Variants in DOCK2 observed in about 807,000 individuals in gnomAD.
DOCK2 encodes dedicator of cytokinesis 2, also known as dedicator of cytokinesis protein 2.
Under a neutral mutation model 248.9 loss-of-function variants are expected in DOCK2, and 87 were observed. The observed-to-expected ratio is 0.35, with a 90% CI of 0.29 to 0.42. The LOEUF (loss-of-function observed/expected upper bound fraction) is 0.42, where lower values mean the gene tolerates loss of function less well. Among genes scored for constraint, DOCK2 ranks in the 10% least tolerant of loss-of-function variants. The probability of loss-of-function intolerance (pLI) is 1.00; values close to 1 mark genes in which losing one functional copy is unlikely to be tolerated. For synonymous variants in DOCK2, 805 were observed against 821.6 expected, an observed-to-expected ratio of 0.98 and a Z score of 0.35; for missense variants, 1,747 against 2,300.2, an observed-to-expected ratio of 0.76 and a Z score of 4.92.
rs192962265 is a variant in DOCK2 at position 169,948,672 on chromosome 5, G to C, written c.2800-34396G>C. ...TCTGTTCCCCAGGCTGGAGTGCAGT[G>C]GTGTGATTATGGCTCACTGCAGTCT... On this transcript the variant is annotated intron_variant, in intron 27 of 51. Transcript: ENST00000520908. 9.0e-4 allele frequency among the ~76,000 whole-genome samples: 135 copies of C among 149,704 alleles called. 1 individual carries two copies. Among genetic ancestry groups the C allele is most frequent in the African/African-American group, 3.3e-3 (133 of 40,576 alleles).
chr5:170,021,466 G>C (rs562824884), intron 33 of DOCK2, among the ~76,000 whole-genome samples: 2 of 152,158 alleles, frequency 1.3e-5, no homozygotes, highest in East Asian at 3.9e-4. Flanking sequence ...AGACCTGGTC[G>C]TTGCCTGGAT....
chr5:170,026,721 G>C (rs987448984), intron 33 of DOCK2, among the ~76,000 whole-genome samples: 9 of 152,154 alleles, frequency 5.9e-5, no homozygotes, highest in African/African-American at 9.7e-5. Context: ...TGGGTGAAAT[G>C]CTTCTTAACA....
intron 2 of DOCK2, among the ~76,000 whole-genome samples, chr5:169,661,345 A>G (rs561589650): frequency 6.6e-6 from 1 of 152,336 alleles, no homozygotes; most frequent in East Asian, 1.9e-4. Context: ...GGTATACAAC[A>G]TGATGTTATG....
intron 27 of DOCK2, among the ~76,000 whole-genome samples, chr5:169,979,082 A>T (rs1777844890): frequency 6.6e-6 from 1 of 152,148 alleles, no homozygotes; most frequent in Non-Finnish European, 1.5e-5. Context: ...AAATATGTCG[A>T]TTACAGAATT....
intron 51 of DOCK2, among the ~76,000 whole-genome samples, chr5:170,082,326 A>G (rs1357867096): frequency 6.6e-6 from 1 of 152,132 alleles, no homozygotes; most frequent in Non-Finnish European, 1.5e-5. Flanking sequence ...CAAATTGAAC[A>G]TTAGTTTCCA....
chr5:169,816,141 T>G (rs1385325218), intron 26 of DOCK2, among the ~76,000 whole-genome samples: 1 of 152,178 alleles, frequency 6.6e-6, no homozygotes, highest in East Asian at 1.9e-4. Flanking sequence ...ACTATAACTT[T>G]GATTTGCTCT....
At chr5:169,648,556 G>A (rs978579545) in intron 1 of DOCK2, among the ~76,000 whole-genome samples, 4 of 152,296 alleles carry the variant, frequency 2.6e-5, no homozygotes, top group South Asian at 4.2e-4. Flanking sequence ...CGTGAGAGGC[G>A]ATGTGAGTGT....
At chr5:169,661,403 C>A (rs1419350671) in intron 2 of DOCK2, among the ~76,000 whole-genome samples, 1 of 152,162 alleles carries the variant, frequency 6.6e-6, no homozygotes, top group Non-Finnish European at 1.5e-5. Context: ...GATAGTGAAA[C>A]AAATGACCAT....
chr5:169,805,753 G>A (rs1009445695), intron 26 of DOCK2, among the ~76,000 whole-genome samples: 1 of 152,192 alleles, frequency 6.6e-6, no homozygotes, highest in African/African-American at 2.4e-5. Flanking sequence ...ACACACCCTC[G>A]ATACTTAGGG....
intron 26 of DOCK2, among the ~76,000 whole-genome samples, chr5:169,828,728 G>A (rs945689874): frequency 2.0e-5 from 3 of 152,192 alleles, no homozygotes; most frequent in South Asian, 2.1e-4. Context: ...GCCCAGAAGC[G>A]TCCAGATCCT....
intron 27 of DOCK2, among the ~76,000 whole-genome samples, chr5:169,913,283 T>C (rs1333841918): frequency 6.6e-6 from 1 of 152,238 alleles, no homozygotes; most frequent in Non-Finnish European, 1.5e-5. Flanking sequence ...TCTTTCTCTT[T>C]GTACAGAAAG....
intron 34 of DOCK2, among the ~76,000 whole-genome samples, chr5:170,033,326 A>G (rs556690805): frequency 2.6e-5 from 4 of 152,322 alleles, no homozygotes; most frequent in Admixed American, 2.6e-4. Context: ...TTACATTTTT[A>G]TTTTTGTTTT....
At chr5:169,852,825 G>C (rs1465770649) in intron 27 of DOCK2, among the ~76,000 whole-genome samples, 2 of 152,218 alleles carry the variant, frequency 1.3e-5, no homozygotes, top group Non-Finnish European at 2.9e-5. Flanking sequence ...TGGCTGGGCT[G>C]TGAAGAAAGC....
intron 27 of DOCK2, among the ~76,000 whole-genome samples, chr5:169,859,009 G>A (rs1771034653): frequency 6.6e-6 from 1 of 152,112 alleles, no homozygotes; most frequent in Non-Finnish European, 1.5e-5. Flanking sequence ...GTGAGACCCT[G>A]TTTCAAAATA....
intron 41 of DOCK2, among the ~76,000 whole-genome samples, chr5:170,050,701 C>T (rs890176353): frequency 2.0e-5 from 3 of 151,170 alleles, no homozygotes; most frequent in Non-Finnish European, 4.4e-5. Context: ...CTTGCTCTGG[C>T]GTGCTCCAAC....
intron 10 of DOCK2, among the ~76,000 whole-genome samples, chr5:169,696,589 C>T (rs1325738937): frequency 6.6e-6 from 1 of 152,112 alleles, no homozygotes; most frequent in Non-Finnish European, 1.5e-5. Flanking sequence ...TCATCAAAGG[C>T]GATTTAAATT....
chr5:169,741,948 T>A (rs1413282347), intron 22 of DOCK2, among the ~76,000 whole-genome samples: 1 of 151,728 alleles, frequency 6.6e-6, no homozygotes. Context: ...TAGCTGAGAC[T>A]ACAGGCGCCC....
intron 27 of DOCK2, among the ~76,000 whole-genome samples, chr5:169,904,635 T>C (rs1007396115): frequency 6.6e-6 from 1 of 152,162 alleles, no homozygotes; most frequent in Non-Finnish European, 1.5e-5. Flanking sequence ...CCTCTCCCCC[T>C]AGTGAGGGCC....
chr5:170,056,695 C>T lies in DOCK2; in HGVS notation c.4307C>T (p.Ser1436Phe). The change falls in exon 43 of 52, where the codon TCC becomes TTC. Residue 1436 changes from serine to phenylalanine, a missense_variant. Transcript: ENST00000520908. The part of the protein sequence containing the change: ...VPDQIINFYK[S>F]NYVQRFHYSR... ...TTCCTGTCTTTCAGCTTCTACAAAT[C>T]CAACTACGTGCAAAGGTTCCACTAC... 1 of 1,614,064 alleles carries T rather than the reference C, an allele frequency of 6.2e-7. No individual in the cohort carries two copies. The highest frequency in any genetic ancestry group is 8.5e-7 in the Non-Finnish European group (1 of 1,179,972).
Sources: allele counts gnomAD v4.1 joint callset (sites outside exome capture counted in the v4.1 genomes callset), GRCh38; gene constraint gnomAD v4.1.1; transcripts MANE v1.5; gene names NCBI Gene and HGNC (gene_info 2026-07-23, HGNC 2026-07-21).